Variants in CMTM4 observed in about 807,000 individuals in gnomAD.
The protein encoded by CMTM4 is CKLF like MARVEL transmembrane domain containing 4.
Under a neutral mutation model 19.0 loss-of-function variants are expected in CMTM4, and 8 were observed. The ratio of observed to expected loss-of-function variants is 0.42; its 90% CI spans 0.25 to 0.76. The LOEUF (loss-of-function observed/expected upper bound fraction) is 0.76, where lower values mean the gene tolerates loss of function less well. Among genes scored for constraint, CMTM4 ranks in the 30% least tolerant of loss-of-function variants. The pLI is 0.27. For missense variants in CMTM4, 228 were observed against 290.2 expected (o/e 0.79, Z 1.56); for synonymous variants, 106 against 121.1 (o/e 0.88, Z 0.82).
chr16:66,683,176 C>A (rs374210219), intron 1 of CMTM4, among the ~76,000 whole-genome samples: 2 of 106,014 alleles, frequency 1.9e-5, no homozygotes, highest in African/African-American at 3.8e-5. Flanking sequence ...TATATATATA[C>A]ATATGTATAT....
At chr16:66,651,233 A>T (rs984409674) in intron 1 of CMTM4, among the ~76,000 whole-genome samples, 1 of 152,164 alleles carries the variant, frequency 6.6e-6, no homozygotes, top group African/African-American at 2.4e-5. Flanking sequence ...CAGAAGAGGC[A>T]CGAAGCCTCT....
intron 1 of CMTM4, among the ~76,000 whole-genome samples, chr16:66,664,636 T>G (rs539908898): frequency 6.8e-4 from 103 of 151,398 alleles, no homozygotes; most frequent in African/African-American, 2.5e-3. Context: ...ATAATGTAAT[T>G]CGTAGACCAA....
intron 1 of CMTM4, among the ~76,000 whole-genome samples, chr16:66,653,435 G>C (rs1274071731): frequency 6.6e-6 from 1 of 152,166 alleles, no homozygotes; most frequent in Non-Finnish European, 1.5e-5. Context: ...CTCTGGGAGA[G>C]GGAGATGCAG....
intron 1 of CMTM4, among the ~76,000 whole-genome samples, chr16:66,670,102 G>C (rs908611861): frequency 6.6e-6 from 1 of 152,108 alleles, no homozygotes; most frequent in Non-Finnish European, 1.5e-5. Context: ...ACCAGAGAGA[G>C]GCTAAAGCAT....
In CMTM4 at chr16:66,696,632, CGACT is replaced by C. The variant is rs1419554781; in HGVS notation, c.-111_-108del. 4 of 599,624 alleles carry C rather than the reference CGACT, an allele frequency of 6.7e-6. No homozygotes were observed. In the East Asian group the frequency reaches 4.3e-4, roughly 64 times the overall value. The allele number at this position is 599,624 out of a possible 1,614,324, so 37.1% of individuals were successfully genotyped here. A position where few individuals can be genotyped will look rare whatever the true frequency, so the allele number is the denominator to read the frequency against. ...CGCCGCCGCCGCCGCCGCCGCCGCC[CGACT>C]GACTGCCCGCGGCCCGCCCGCCGCC... On this transcript the variant is annotated 5_prime_UTR_variant, in exon 1 of 4. Coordinates refer to ENST00000394106, the MANE Select transcript of CMTM4 (RefSeq NM_181521.3). The surrounding 1 kb of genome is among the most constrained non-coding windows in gnomAD (Gnocchi z 4.3).
chr16:66,668,776 AAATT>A (rs1367759233), intron 1 of CMTM4, among the ~76,000 whole-genome samples: 1 of 152,216 alleles, frequency 6.6e-6, no homozygotes, highest in Admixed American at 6.5e-5. Context: ...ATTCCTAATA[AAATT>A]AATTTCTCAT....
intron 2 of CMTM4, among the ~76,000 whole-genome samples, chr16:66,633,811 C>T (rs1345836124): frequency 6.7e-6 from 1 of 150,216 alleles, no homozygotes; most frequent in Non-Finnish European, 1.5e-5. Context: ...GAGCAAGACC[C>T]CATCTCAAAA....
the CMTM4 span, chr16:66,605,256 C>T: frequency 1.8e-4 from 47 of 260,964 alleles, no homozygotes; most frequent in Non-Finnish European, 3.0e-4. The surrounding 1 kb of genome is among the most constrained non-coding windows in gnomAD (Gnocchi z 4.6). Context: ...CCAGGCGCCC[C>T]CGCCCTCTCT....
At chr16:66,630,261 G>GA (rs556448446) in intron 2 of CMTM4, among the ~76,000 whole-genome samples, 76 of 140,758 alleles carry the variant, frequency 5.4e-4, no homozygotes, top group Admixed American at 7.8e-4. Flanking sequence ...TTTGGTGTCA[G>GA]AAAAAAAAAA....
Position 66,622,110 on chromosome 16 carries a change from G to T in CMTM4, c.575C>A (p.Thr192Lys), listed in dbSNP as rs765384276. The T allele has an allele frequency of 2.2e-5, 35 of 1,600,836 alleles. No individual in the cohort carries two copies. The highest frequency in any genetic ancestry group is 2.8e-5 in the Non-Finnish European group (33 of 1,173,284). Residue 192 changes from threonine (T) to lysine (K), a missense_variant, in exon 4 of 4, where the codon ACG becomes AAG. By Grantham distance (78) the Thr-to-Lys change is moderately conservative. Transcript: ENST00000394106. The surrounding 1 kb of genome is among the most constrained non-coding windows in gnomAD (Gnocchi z 4.0). Reference protein sequence around the residue: ...QSTNDYIRARTESRDVDSRPE... With the variant: ...QSTNDYIRARKESRDVDSRPE... ...GCGACTGTCCACATCCCTGGACTCC[G>T]TGCGGGCTCGGATGTAGTCATTGGT...
intron 1 of CMTM4, among the ~76,000 whole-genome samples, chr16:66,656,307 C>T (rs532936943): frequency 2.6e-5 from 4 of 152,264 alleles, no homozygotes; most frequent in Non-Finnish European, 4.4e-5. Context: ...ATTCTTGATT[C>T]AGGCAAGAGT....
chr16:66,598,257 C>T, the CMTM4 span, among the ~76,000 whole-genome samples: 1 of 152,150 alleles, frequency 6.6e-6, no homozygotes, highest in Non-Finnish European at 1.5e-5. Context: ...ATGTGACAGG[C>T]TCTGGGCTGG....
chr16:66,613,318 T>C (rs562947259), downstream of CMTM4: 5 of 587,106 alleles, frequency 8.5e-6, no homozygotes, highest in African/African-American at 3.7e-5. Flanking sequence ...GAAGAGCTCA[T>C]AGACTGACTG....
chr16:66,623,869 T>A (rs1354683602), intron 2 of CMTM4, among the ~76,000 whole-genome samples: 1 of 152,328 alleles, frequency 6.6e-6, no homozygotes, highest in East Asian at 1.9e-4. Flanking sequence ...GTACTAAAAC[T>A]GGTGAAATCC....
intron 2 of CMTM4, among the ~76,000 whole-genome samples, 165 bp from the exon 3 acceptor site, chr16:66,623,667 A>G (rs907235896): frequency 1.3e-5 from 2 of 152,172 alleles, no homozygotes; most frequent in African/African-American, 4.8e-5. Flanking sequence ...AAGAAGGCAA[A>G]GTTAACAGTT....
chr16:66,602,876 C>T, the CMTM4 span, among the ~76,000 whole-genome samples: 1 of 152,200 alleles, frequency 6.6e-6, no homozygotes, highest in Admixed American at 6.5e-5. Flanking sequence ...TAGTACTTCC[C>T]GTTCACTCAG....
chr16:66,605,550 C>A, the CMTM4 span: 3 of 152,510 alleles, frequency 2.0e-5, no homozygotes, highest in African/African-American at 7.2e-5. The surrounding 1 kb of genome is among the most constrained non-coding windows in gnomAD (Gnocchi z 4.6). Context: ...CGGAGGCGCC[C>A]GCACTGTCCG....
At chr16:66,686,993 T>C (rs2017045485) in intron 1 of CMTM4, among the ~76,000 whole-genome samples, 1 of 152,178 alleles carries the variant, frequency 6.6e-6, no homozygotes, top group Admixed American at 6.5e-5. Context: ...GAGTCTGTCA[T>C]AATACGATGA....
At chr16:66,625,658 A>G (rs1449479859) in intron 2 of CMTM4, among the ~76,000 whole-genome samples, 1 of 152,220 alleles carries the variant, frequency 6.6e-6, no homozygotes, top group East Asian at 1.9e-4. Flanking sequence ...AAGAAACCAG[A>G]TTAAACCAGG....
Sources: allele counts gnomAD v4.1 joint callset (sites outside exome capture counted in the v4.1 genomes callset), GRCh38; gene constraint gnomAD v4.1.1; non-coding constraint Gnocchi (gnomAD v3.1); transcripts MANE v1.5; gene names NCBI Gene and HGNC (gene_info 2026-07-23, HGNC 2026-07-21).